TULP1: variants seen among roughly 807,000 people sequenced by gnomAD.
TULP1 encodes tubby-related protein 1.
Under a neutral mutation model 67.1 loss-of-function variants are expected in TULP1, and 50 were observed. The ratio of observed to expected loss-of-function variants is 0.75; its 90% CI spans 0.59 to 0.94. The LOEUF (loss-of-function observed/expected upper bound fraction) is 0.94. TULP1 is among the 40% of genes least tolerant of loss of function. The probability of loss-of-function intolerance (pLI) is 0.00; values close to 1 mark genes in which losing one functional copy is unlikely to be tolerated. For missense variants in TULP1, 746 were observed against 734.1 expected (o/e 1.02, Z -0.19); for synonymous variants, 297 against 294.0 (o/e 1.01, Z -0.11).
chr6:35,508,365 C>T (rs1394202374), intron 8 of TULP1, among the ~76,000 whole-genome samples: 1 of 152,220 alleles, frequency 6.6e-6, no homozygotes, highest in African/African-American at 2.4e-5. Flanking sequence ...AGTTACATTC[C>T]CCTCTGGGAG....
In TULP1 at chr6:35,503,104, A is replaced by C. The variant is rs1761002789; in HGVS notation, c.1323+455T>G. On this transcript the variant is annotated intron_variant, in intron 13 of 14. Transcript: ENST00000229771. This position sits in a 1 kb window ranked among gnomAD's most constrained non-coding sequence, Gnocchi z 4.0. ...AGGCGCCCGCCACCATGCCCGGCTA[A>C]TTTTTTTGTATTTTTAGTAGAGACG... Among the ~76,000 whole-genome samples the C allele has an allele frequency of 6.6e-6, 1 of 151,032 alleles. No individual in the cohort carries two copies. The highest frequency in any genetic ancestry group is 1.5e-5 in the Non-Finnish European group (1 of 67,712).
In TULP1 at chr6:35,501,539, C is replaced by T. The variant is rs1760960631; in HGVS notation, c.1324-1387G>A. On this transcript the variant is annotated intron_variant, in intron 13 of 14. Transcript: ENST00000229771. ...AAAAAAAAAAAAAAAAGGCTGGGCA[C>T]AGTGGCTCAGGCCTGTAATCCTAGC... is the stretch of plus-strand genomic sequence containing the variant. Among the ~76,000 whole-genome samples the T allele has an allele frequency of 1.5e-5, 2 of 137,590 alleles. 1 individual carries two copies. Among genetic ancestry groups the T allele is most frequent in the African/African-American group, 6.1e-5 (2 of 33,052 alleles). The allele number at this position is 137,590 out of a possible 152,430, so 90.3% of individuals were successfully genotyped here.
Position 35,503,751 on chromosome 6 carries a change from C to A in TULP1, c.1210G>T (p.Ala404Ser). Residue 404 changes from alanine to serine, a missense_variant, in exon 12 of 15, where the codon GCA becomes TCA. By Grantham distance (99) the Ala-to-Ser change is moderately conservative. Around this residue, in one of 3 missense-constraint regions of TULP1, gnomAD observed 383 missense variants for 374.1 expected, o/e 1.02. Transcript: ENST00000229771. The surrounding 1 kb of genome is among the most constrained non-coding windows in gnomAD (Gnocchi z 4.0). ...GGAGTCCTCACATAGATCACAGCTG[C>A]CAGCTCCTGCCGAAGGCTTGCCACA... ...TNVASLRQEL[A>S]AVIYETNVLG... 6.2e-7 allele frequency: 1 copy of A among 1,613,200 alleles called. No individual in the cohort carries two copies. Among genetic ancestry groups the A allele is most frequent in the Non-Finnish European group, 8.5e-7 (1 of 1,179,646 alleles).
chr6:35,505,672 G>A (rs773480682), intron 11 of TULP1, 69 bp downstream of exon 11: 2 of 1,592,374 alleles, frequency 1.3e-6, no homozygotes, highest in South Asian at 1.1e-5. Context: ...AGGCACAGCA[G>A]GACAGAGATG....
intron 3 of TULP1, 56 bp from the exon 4 acceptor site, chr6:35,511,862 G>T (rs1761212618): frequency 1.4e-6 from 2 of 1,472,494 alleles, no homozygotes; most frequent in Non-Finnish European, 9.0e-7. Context: ...GCGAGGCAGC[G>T]CCTCTACCCG....
rs369184255 is a variant in TULP1 at position 35,506,285 on chromosome 6, T to C, written c.823-6A>G. On this transcript the variant is annotated splice_region_variant and splice_polypyrimidine_tract_variant and intron_variant, in intron 8 of 14. Coordinates refer to ENST00000229771, the MANE Select transcript of TULP1 (RefSeq NM_003322.6). ...GCAGGACAACTCACCGCTTTCTGTGTGCGGAGAGAACAGAGAGGCTGGCTA... is the reference window on the plus strand; with the variant it reads ...GCAGGACAACTCACCGCTTTCTGTGCGCGGAGAGAACAGAGAGGCTGGCTA... 1.6e-5 allele frequency: 25 copies of C among 1,572,992 alleles called. No homozygotes were observed. In the African/African-American group the frequency reaches 3.1e-4, roughly 20 times the overall value.
intron 2 of TULP1, 96 bp from the exon 3 acceptor site, chr6:35,512,366 G>A: frequency 2.8e-6 from 2 of 726,896 alleles, no homozygotes; most frequent in Non-Finnish European, 4.4e-6. Flanking sequence ...AGAAATAACC[G>A]CAGATTATCC....
chr6:35,508,887 G>T (rs1437064209), intron 8 of TULP1, among the ~76,000 whole-genome samples: 1 of 152,084 alleles, frequency 6.6e-6, no homozygotes, highest in Non-Finnish European at 1.5e-5. Context: ...CTGCCTGTGT[G>T]CTCCTCCTCC....
Position 35,510,965 on chromosome 6 carries a change from GCCTCCTCTTCCTCGTCCTCCTCGT to G in TULP1, c.371_394del (p.Asp124_Glu131del), listed in dbSNP as rs281865169. Reference sequence around the variant, plus strand: ...AAGGATTTTCTCTTTCTTTTCCTCTGCCTCCTCTTCCTCGTCCTCCTCGTCCTCCTCTTCCTCCTCCTCCTCTGC... The same window carrying G: ...AAGGATTTTCTCTTTCTTTTCCTCTGCCTCCTCTTCCTCCTCCTCCTCTGC... On this transcript the variant is annotated inframe_deletion, in exon 5 of 15. Transcript: ENST00000229771. 2.4e-3 allele frequency: 3,918 copies of G among 1,611,594 alleles called. 8 individuals are homozygous for G. The highest frequency in any genetic ancestry group is 5.6e-3 in the Middle Eastern group (34 of 6,056).
intron 14 of TULP1, among the ~76,000 whole-genome samples, chr6:35,499,348 A>C (rs2150922038): frequency 6.6e-6 from 1 of 152,346 alleles, no homozygotes; most frequent in South Asian, 2.1e-4. Context: ...TGGCCACTGG[A>C]GATCCAGACT....
chr6:35,509,943 T>C lies in TULP1; in HGVS notation c.500-15A>G, dbSNP rs779719502. ...TCCCAGGTCTCCTGGAAATGGAAGA[T>C]GGGGGTCAGGCAAAGAAGGTGTCTA... On this transcript the variant is annotated splice_polypyrimidine_tract_variant and intron_variant, in intron 5 of 14. Coordinates refer to ENST00000229771, the MANE Select transcript of TULP1 (RefSeq NM_003322.6). 2 of 1,613,086 alleles carry C rather than the reference T, an allele frequency of 1.2e-6. No individual in the cohort carries two copies. Among genetic ancestry groups the C allele is most frequent in the South Asian group, 1.1e-5 (1 of 91,054 alleles).
At chr6:35,505,418 T>C in intron 11 of TULP1, 1 of 455,572 alleles carries the variant, frequency 2.2e-6, no homozygotes, top group Admixed American at 3.0e-5. Context: ...GTGCTAGGAA[T>C]TCAGCCCTAA....
In TULP1 at chr6:35,497,979, G is replaced by A. The variant is rs936713780; in HGVS notation, c.*348C>T. On this transcript the variant is annotated 3_prime_UTR_variant, in exon 15 of 15. Coordinates refer to ENST00000229771, the MANE Select transcript of TULP1 (RefSeq NM_003322.6). ...CCCAGCTCCTCGGAGCCCTAGCGCGGTCCCGGGGAGAGGGGAGGTTAAAAC... is the reference window on the plus strand; with the variant it reads ...CCCAGCTCCTCGGAGCCCTAGCGCGATCCCGGGGAGAGGGGAGGTTAAAAC... 1 of 420,254 alleles carries A rather than the reference G, an allele frequency of 2.4e-6. No homozygotes were observed. The highest frequency in any genetic ancestry group is 3.6e-5 in the Admixed American group (1 of 27,458). The allele number at this position is 420,254 out of a possible 1,614,324, so 26.0% of individuals were successfully genotyped here. A position where few individuals can be genotyped will look rare whatever the true frequency, so the allele number is the denominator to read the frequency against.
rs372990089 is a variant in TULP1, at chr6:35,503,128, C to T, written c.1323+431G>A. On this transcript the variant is annotated intron_variant, in intron 13 of 14. Transcript: ENST00000229771. This position sits in a 1 kb window ranked among gnomAD's most constrained non-coding sequence, Gnocchi z 4.0. ...AATTTTTTTGTATTTTTAGTAGAGA[C>T]GGGGTTTCACCATGTTAGCCAGGAT... Among the ~76,000 whole-genome samples, 126 of 152,022 alleles carry T rather than the reference C, an allele frequency of 8.3e-4. 1 individual carries two copies. The highest frequency in any genetic ancestry group is 1.3e-3 in the Non-Finnish European group (85 of 67,980).
In TULP1 at chr6:35,503,675, G is replaced by T; in HGVS notation, c.1225-18C>A. 6.3e-7 allele frequency: 1 copy of T among 1,597,082 alleles called. No individual in the cohort carries two copies. The stretch of plus-strand genomic sequence containing the variant: ...TTGGTTTCCTGGGAAGGAAACAGAT[G>T]CCTGTGAGGCCAGCCCCTGTAAGGG... On this transcript the variant is annotated intron_variant, in intron 12 of 14. Transcript: ENST00000229771. This position sits in a 1 kb window ranked among gnomAD's most constrained non-coding sequence, Gnocchi z 4.0.
chr6:35,510,006 C>A (rs2150927526), intron 5 of TULP1, 78 bp from the exon 6 acceptor site: 3 of 1,385,694 alleles, frequency 2.2e-6, no homozygotes, highest in South Asian at 2.3e-5. Context: ...TCTTGTCCTG[C>A]CTATAGTCCC....
chr6:35,509,397 TC>T, intron 7 of TULP1, 85 bp from the exon 8 acceptor site: 1 of 1,321,502 alleles, frequency 7.6e-7, no homozygotes, highest in Non-Finnish European at 1.1e-6. Context: ...ACTTGGATGC[TC>T]CCCACAACCA....
At chr6:35,508,113 G>T (rs1761119930) in intron 8 of TULP1, among the ~76,000 whole-genome samples, 1 of 152,158 alleles carries the variant, frequency 6.6e-6, no homozygotes, top group Admixed American at 6.5e-5. Flanking sequence ...GAGCCACTTT[G>T]CCTGGCCATG....
Position 35,512,862 on chromosome 6 carries a change from G to A in TULP1, c.-4C>T. 5 of 1,612,550 alleles carry A rather than the reference G, an allele frequency of 3.1e-6. No individual in the cohort carries two copies. Among genetic ancestry groups the A allele is most frequent in the Non-Finnish European group, 4.2e-6 (5 of 1,180,002 alleles). The stretch of plus-strand genomic sequence containing the variant: ...GGGTTTCATCCCGCAGAGGCATGGT[G>A]CCTTTGCCTATCGCACCCCTTTCTC... On this transcript the variant is annotated 5_prime_UTR_variant, in exon 1 of 15. Coordinates refer to ENST00000229771, the MANE Select transcript of TULP1 (RefSeq NM_003322.6).
Sources: gnomAD v4.1 joint callset for allele counts (sites outside exome capture counted in the v4.1 genomes callset) on GRCh38, gnomAD v4.1.1 for gene constraint, gnomAD v4.1.1 regional missense constraint, Gnocchi (gnomAD v3.1) non-coding constraint, MANE v1.5 for transcripts, NCBI Gene and HGNC (gene_info 2026-07-23, HGNC 2026-07-21) for gene names.